Variants in PHKA1 observed in about 807,000 individuals in gnomAD.
PHKA1 encodes the protein phosphorylase kinase regulatory subunit alpha 1, also known as phosphorylase b kinase regulatory subunit alpha, skeletal muscle isoform.
A neutral mutation model predicts 110.2 loss-of-function variants in PHKA1; 60 were observed. The observed-to-expected ratio is 0.54, with a 90% CI of 0.44 to 0.68. PHKA1 has a LOEUF of 0.68. Ranked by LOEUF, PHKA1 falls within the 30% of genes least tolerant of loss-of-function variation. The pLI is 0.00. For missense variants in PHKA1, 801 were observed against 942.5 expected, an observed-to-expected ratio of 0.85 and a Z score of 1.97; for synonymous variants, 316 against 333.6, an observed-to-expected ratio of 0.95 and a Z score of 0.58.
Position 72,603,183 on chromosome X carries a change from A to G in PHKA1, c.2853T>C (p.Pro951=). ...GATGCAGGAGATTCTTCATGGCCGA[A>G]GGACTGAGATTCATCAGGCCCTCTG... The part of the protein sequence containing the change: ...EATEGLMNLS[P]SAMKNLLHHI... Residue 951 remains proline (P), a synonymous_variant, in exon 26 of 32, where the codon CCT becomes CCC. Transcript: ENST00000373542. 1 of 1,207,553 alleles carries G rather than the reference A, an allele frequency of 8.3e-7. No individual in the cohort carries two copies. Among genetic ancestry groups the G allele is most frequent in the Non-Finnish European group, 1.1e-6 (1 of 891,908 alleles).
intron 3 of PHKA1, among the ~76,000 whole-genome samples, chrX:72,698,036 C>G (rs2054153104): frequency 9.1e-6 from 1 of 110,226 alleles, no homozygotes; most frequent in Non-Finnish European, 1.9e-5. Context: ...CCCTGTAGTT[C>G]TGCACCACCA....
At chrX:72,681,425 G>A (rs1421164965) in intron 5 of PHKA1, among the ~76,000 whole-genome samples, 5 of 109,759 alleles carry the variant, frequency 4.6e-5, no homozygotes, top group East Asian at 3.0e-4. Context: ...CCGGCCAGCC[G>A]CCCCATCCGG....
In PHKA1 at chrX:72,580,495, G is replaced by T. The variant is rs1365601692; in HGVS notation, c.*507C>A. Reference sequence around the variant, plus strand: ...CAGTACTCTCTTTTCCTAAGAAAAGGCACGTAGAATAGGTAATTCTAATTT... The same window carrying T: ...CAGTACTCTCTTTTCCTAAGAAAAGTCACGTAGAATAGGTAATTCTAATTT... On this transcript the variant is annotated 3_prime_UTR_variant, in exon 32 of 32. Coordinates refer to ENST00000373542, the MANE Select transcript of PHKA1 (RefSeq NM_002637.4). The T allele has an allele frequency of 8.2e-6, 1 of 122,275 alleles. No individual in the cohort carries two copies. The highest frequency in any genetic ancestry group is 1.7e-5 in the Non-Finnish European group (1 of 59,668). 10.1% of individuals were successfully genotyped at this position (122,275 alleles called of 1,213,427 possible). A position where few individuals can be genotyped will look rare whatever the true frequency, so the allele number is the denominator to read the frequency against.
At position 72,580,988 on chromosome X, in the gene PHKA1, A is replaced by C. The variant is rs375713794; in HGVS notation, c.*14T>G. On this transcript the variant is annotated 3_prime_UTR_variant, in exon 32 of 32. Coordinates refer to ENST00000373542, the MANE Select transcript of PHKA1 (RefSeq NM_002637.4). ...AGCTGTCAAAAGGCTCCCAGAAGCC[A>C]GGAACCAAAGCCCTCATTGCATGGC... 1 of 1,204,741 alleles carries C rather than the reference A, an allele frequency of 8.3e-7. No homozygotes were observed. The highest frequency in any genetic ancestry group is 1.1e-6 in the Non-Finnish European group (1 of 890,811).
chrX:72,704,213 A>G (rs2054246027), intron 3 of PHKA1, among the ~76,000 whole-genome samples: 1 of 112,106 alleles, frequency 8.9e-6, no homozygotes, highest in African/African-American at 3.2e-5. Flanking sequence ...TACTGCAAGG[A>G]GATGCAAATT....
intron 18 of PHKA1, among the ~76,000 whole-genome samples, chrX:72,621,300 G>A (rs2052975936): frequency 9.0e-6 from 1 of 111,443 alleles, no homozygotes. Flanking sequence ...CTTTGGTGAG[G>A]AAGGGCCAGG....
At position 72,673,620 on chromosome X, in the gene PHKA1, T is replaced by C. The variant is rs150992057; in HGVS notation, c.618+2450A>G. ...AAGTTGTAATAACATGTTCTCAATA[T>C]TTGTTTCCAAAGGTATTTCTCTGTC... On this transcript the variant is annotated intron_variant, in intron 6 of 31. Coordinates refer to ENST00000373542, the MANE Select transcript of PHKA1 (RefSeq NM_002637.4). Among the ~76,000 whole-genome samples the C allele has an allele frequency of 1.7e-3, 185 of 110,649 alleles. 1 individual carries two copies. Among genetic ancestry groups the C allele is most frequent in the Middle Eastern group, 0.014 (3 of 215 alleles).
chrX:72,687,587 A>G (rs930080334), intron 4 of PHKA1, among the ~76,000 whole-genome samples: 6 of 110,921 alleles, frequency 5.4e-5, no homozygotes, highest in Admixed American at 9.6e-5. Flanking sequence ...CTCAAATGCT[A>G]TCTCCTCTGT....
chrX:72,594,001 G>A (rs1314743808), intron 28 of PHKA1, among the ~76,000 whole-genome samples: 4 of 110,701 alleles, frequency 3.6e-5, no homozygotes, highest in South Asian at 7.6e-4. Flanking sequence ...GTCAGTAATC[G>A]AAATAAATTA....
rs2052935258 is a variant in PHKA1 at position 72,618,844 on chromosome X, G to A, written c.2235C>T (p.Pro745=). The change falls in exon 21 of 32, where the codon CCC becomes CCT. Residue 745 remains proline (P), a synonymous_variant. Coordinates refer to ENST00000373542, the MANE Select transcript of PHKA1 (RefSeq NM_002637.4). ...SPHPRQENQV[P]SVRVEIHLPR... is the part of the protein sequence containing the mutation. ...GAAGATGTATTTCTACACGAACAGA[G>A]GGAACCTTTAGTTTGAGAAATGATG... 8.3e-7 allele frequency: 1 copy of A among 1,204,528 alleles called. No individual in the cohort carries two copies. The highest frequency in any genetic ancestry group is 1.1e-6 in the Non-Finnish European group (1 of 889,134).
chrX:72,593,963 C>T (rs1176656608), intron 28 of PHKA1, among the ~76,000 whole-genome samples: 7 of 111,371 alleles, frequency 6.3e-5, no homozygotes, highest in African/African-American at 2.0e-4. Flanking sequence ...TGAAATCATA[C>T]GAAGTATGTT....
intron 16 of PHKA1, among the ~76,000 whole-genome samples, chrX:72,628,596 AT>A (rs57263040): frequency 0.012 from 1,134 of 95,192 alleles, 16 homozygotes; most frequent in African/African-American, 0.045. Context: ...ATATATATAT[AT>A]TTTTTTTTTT....
At position 72,656,321 on chromosome X, in the gene PHKA1, T is replaced by C. The variant is rs2272781; in HGVS notation, c.919-79A>G. On this transcript the variant is annotated intron_variant, in intron 9 of 31. Coordinates refer to ENST00000373542, the MANE Select transcript of PHKA1 (RefSeq NM_002637.4). The stretch of plus-strand genomic sequence containing the variant: ...TAGCTCAGAGGTATTATAATACGGG[T>C]TTTCATTACTGATTGTTTTAGAGAA... The C allele has an allele frequency of 0.096, 98,018 of 1,017,672 alleles. 17,250 individuals are homozygous for C. Among genetic ancestry groups the C allele is most frequent in the East Asian group, 0.69 (22,345 of 32,355 alleles). The allele number at this position is 1,017,672 out of a possible 1,213,427, so 83.9% of individuals were successfully genotyped here.
chrX:72,702,337 C>T (rs1402051506), intron 3 of PHKA1, among the ~76,000 whole-genome samples: 2 of 110,692 alleles, frequency 1.8e-5, no homozygotes, highest in Non-Finnish European at 3.8e-5. Context: ...GTAATCCCAG[C>T]TACTCAGGAG....
At chrX:72,623,540 T>C (rs1349082924) in intron 17 of PHKA1, among the ~76,000 whole-genome samples, 6 of 111,356 alleles carry the variant, frequency 5.4e-5, no homozygotes, top group Non-Finnish European at 9.4e-5. Context: ...TCTACTGCCA[T>C]ATATTACGTT....
At chrX:72,681,560 C>T (rs1283520229) in intron 5 of PHKA1, among the ~76,000 whole-genome samples, 10 of 89,371 alleles carry the variant, frequency 1.1e-4, no homozygotes, top group East Asian at 4.5e-4. Context: ...GTCAGCCCCC[C>T]GCCCGGCCAG....
At chrX:72,636,889 G>A (rs1474973722) in intron 14 of PHKA1, among the ~76,000 whole-genome samples, 1 of 111,267 alleles carries the variant, frequency 9.0e-6, no homozygotes, top group African/African-American at 3.3e-5. Context: ...AAATATGCCA[G>A]TTTTAGTGTT....
rs148465718 is a variant in PHKA1 at position 72,580,502 on chromosome X, G to T, written c.*500C>A. 196 of 124,166 alleles carry T rather than the reference G, an allele frequency of 1.6e-3. No individual in the cohort carries two copies. Among genetic ancestry groups the T allele is most frequent in the African/African-American group, 6.0e-3 (185 of 30,977 alleles). The allele number at this position is 124,166 out of a possible 1,213,427, so 10.2% of individuals were successfully genotyped here. ...CTCTTTTCCTAAGAAAAGGCACGTA[G>T]AATAGGTAATTCTAATTTATAGCAG... On this transcript the variant is annotated 3_prime_UTR_variant, in exon 32 of 32. Coordinates refer to ENST00000373542, the MANE Select transcript of PHKA1 (RefSeq NM_002637.4).
At chrX:72,604,161 AAAC>A (rs1476786269) in intron 25 of PHKA1, among the ~76,000 whole-genome samples, 16 of 110,932 alleles carry the variant, frequency 1.4e-4, no homozygotes, top group African/African-American at 4.2e-4. Flanking sequence ...GCAAAAAAAA[AAAC>A]AACATTATAC....
Sources: allele counts gnomAD v4.1 joint callset (sites outside exome capture counted in the v4.1 genomes callset), GRCh38; gene constraint gnomAD v4.1.1; transcripts MANE v1.5; gene names NCBI Gene and HGNC (gene_info 2026-07-23, HGNC 2026-07-21).